The following NUP93 variants were observed in gnomAD, a reference collection of about 807,000 sequenced individuals.
NUP93 encodes the protein nuclear pore complex protein Nup93.
NUP93 carries 55 observed loss-of-function variants against 107.8 expected under a neutral mutation model. The observed-to-expected ratio is 0.51, with a 90% CI of 0.41 to 0.64. NUP93 has a LOEUF of 0.64. Among genes scored for constraint, NUP93 ranks in the 30% least tolerant of loss-of-function variants. The pLI is 0.00. For missense variants in NUP93, 937 were observed against 1,044.7 expected, an observed-to-expected ratio of 0.90 and a Z score of 1.42; for synonymous variants, 390 against 397.5, an observed-to-expected ratio of 0.98 and a Z score of 0.22.
At chr16:56,747,105 T>G (rs1245309141) in intron 1 of NUP93, among the ~76,000 whole-genome samples, 2 of 152,030 alleles carry the variant, frequency 1.3e-5, no homozygotes, top group Non-Finnish European at 2.9e-5. Flanking sequence ...TTCAAGTGAT[T>G]CTCCTGCCTC....
At chr16:56,792,665 CTT>C (rs1962795074) in intron 3 of NUP93, among the ~76,000 whole-genome samples, 1 of 152,176 alleles carries the variant, frequency 6.6e-6, no homozygotes. Flanking sequence ...GTGTAACACA[CTT>C]ATACCTGGCA....
At chr16:56,816,628 C>T (rs1963438543) in intron 5 of NUP93, among the ~76,000 whole-genome samples, 1 of 152,206 alleles carries the variant, frequency 6.6e-6, no homozygotes, top group Non-Finnish European at 1.5e-5. Flanking sequence ...AAAGCAGAAG[C>T]TGTCCCCAAG....
At chr16:56,822,611 A>G (rs1963571492) in intron 7 of NUP93, among the ~76,000 whole-genome samples, 2 of 141,544 alleles carry the variant, frequency 1.4e-5, no homozygotes, top group South Asian at 4.5e-4. Context: ...CCCAGGCTGA[A>G]GTGCAATAAT....
chr16:56,730,681 A>ACC (rs1961519733), intron 1 of NUP93, among the ~76,000 whole-genome samples: 1 of 152,136 alleles, frequency 6.6e-6, no homozygotes, highest in East Asian at 1.9e-4. Context: ...AGGGGAACTT[A>ACC]TCCCAACCCT....
chr16:56,829,507 G>A (rs1475294603), intron 9 of NUP93, among the ~76,000 whole-genome samples: 2 of 152,218 alleles, frequency 1.3e-5, no homozygotes, highest in African/African-American at 4.8e-5. Flanking sequence ...TCGTGGTCCA[G>A]TTGGGGAGAT....
intron 3 of NUP93, among the ~76,000 whole-genome samples, chr16:56,768,697 T>G (rs1404057730): frequency 6.8e-6 from 1 of 147,500 alleles, no homozygotes; most frequent in Non-Finnish European, 1.5e-5. Flanking sequence ...AAACCCTGTC[T>G]CTACTAAAAA....
At chr16:56,835,096 T>G (rs1377298575) in intron 16 of NUP93, among the ~76,000 whole-genome samples, 1 of 152,316 alleles carries the variant, frequency 6.6e-6, no homozygotes, top group Admixed American at 6.5e-5. Context: ...TCAGAAAACA[T>G]GCAAGGAAAA....
chr16:56,750,992 C>CA (rs1185160100), intron 2 of NUP93, among the ~76,000 whole-genome samples: 3 of 151,934 alleles, frequency 2.0e-5, no homozygotes, highest in Non-Finnish European at 4.4e-5. Context: ...AACCCATCTA[C>CA]AAAAAATTAG....
Position 56,830,569 on chromosome 16 carries a change from C to G in NUP93, c.969C>G (p.Tyr323Ter), listed in dbSNP as rs1963761217. Residue 323 changes from tyrosine to a stop codon, truncating the protein, a stop_gained, in exon 10 of 22, where the codon TAC becomes TAG. Coordinates refer to ENST00000308159, the MANE Select transcript of NUP93 (RefSeq NM_014669.5). LOFTEE classifies it high-confidence loss of function. ...VEGHPVWALIYYCMRCGDLLA... is the reference protein window; with the variant it reads ...VEGHPVWALI The stretch of plus-strand genomic sequence containing the variant: ...GCCATCCTGTGTGGGCGCTAATTTA[C>G]TACTGCATGCGCTGTGGAGACCTGC... 1.2e-6 allele frequency: 2 copies of G among 1,601,934 alleles called. No homozygotes were observed. The highest frequency in any genetic ancestry group is 3.3e-5 in the Admixed American group (2 of 59,776).
At chr16:56,757,368 A>G (rs1363589967) in intron 2 of NUP93, among the ~76,000 whole-genome samples, 1 of 152,170 alleles carries the variant, frequency 6.6e-6, no homozygotes, top group African/African-American at 2.4e-5. Context: ...TAATCCCGGC[A>G]CTTTTGGAAG....
chr16:56,787,156 G>C (rs1171818030), intron 3 of NUP93, among the ~76,000 whole-genome samples: 1 of 152,206 alleles, frequency 6.6e-6, no homozygotes, highest in Non-Finnish European at 1.5e-5. Flanking sequence ...AATTACAAAA[G>C]GGAAGGTCTG....
rs149503681 is a variant in NUP93 at position 56,833,279 on chromosome 16, G to T, written c.1410G>T (p.Ala470=). Residue 470 remains alanine, a synonymous_variant, in exon 13 of 22, where the codon GCG becomes GCT. Coordinates refer to ENST00000308159, the MANE Select transcript of NUP93 (RefSeq NM_014669.5). Reference sequence around the variant, plus strand: ...ACTTCCAAGTCCTGTTCCTGACAGCGCAGTTTGAAGCAGCAGTTGCCTTTC... The same window carrying T: ...ACTTCCAAGTCCTGTTCCTGACAGCTCAGTTTGAAGCAGCAGTTGCCTTTC... ...FLYFQVLFLT[A]QFEAAVAFLF... is the part of the protein sequence containing the mutation. 6.2e-7 allele frequency: 1 copy of T among 1,606,676 alleles called. No individual in the cohort carries two copies. The highest frequency in any genetic ancestry group is 8.5e-7 in the Non-Finnish European group (1 of 1,177,640).
At chr16:56,747,225 C>T (rs1961835180) in intron 1 of NUP93, among the ~76,000 whole-genome samples, 1 of 152,180 alleles carries the variant, frequency 6.6e-6, no homozygotes, top group Admixed American at 6.5e-5. Flanking sequence ...GTCTTGAACT[C>T]CTGACCTCAG....
At chr16:56,814,833 C>G (rs1209416602) in intron 5 of NUP93, among the ~76,000 whole-genome samples, 2 of 152,242 alleles carry the variant, frequency 1.3e-5, no homozygotes, top group Non-Finnish European at 2.9e-5. Flanking sequence ...GTCGTCCTTG[C>G]TATGGCTCCG....
In NUP93 at chr16:56,834,195, C is replaced by T. The variant is rs139671995; in HGVS notation, c.1605C>T (p.Tyr535=). The part of the protein sequence containing the change: ...RLNFVRLLML[Y]TRKFESTDPR... ...ACTTCGTGCGGCTCCTCATGCTGTA[C>T]ACCCGGAAGTTTGAGTCCACGGACC... The change falls in exon 14 of 22, where the codon TAC becomes TAT. Residue 535 remains tyrosine, a synonymous_variant. Coordinates refer to ENST00000308159, the MANE Select transcript of NUP93 (RefSeq NM_014669.5). 516 of 1,614,190 alleles carry T rather than the reference C, an allele frequency of 3.2e-4. 1 individual carries two copies. Among genetic ancestry groups the T allele is most frequent in the Middle Eastern group, 2.6e-3 (16 of 6,062 alleles).
intron 8 of NUP93, among the ~76,000 whole-genome samples, chr16:56,826,141 T>C (rs547300443): frequency 3.0e-4 from 46 of 152,302 alleles, no homozygotes; most frequent in African/African-American, 1.1e-3. Context: ...TTAATTCAAA[T>C]TGGAAGAGAC....
At chr16:56,754,686 G>A (rs1050549870) in intron 2 of NUP93, among the ~76,000 whole-genome samples, 13 of 152,338 alleles carry the variant, frequency 8.5e-5, no homozygotes, top group African/African-American at 2.9e-4. Context: ...CAAACCATCA[G>A]TGGGTCTACC....
intron 5 of NUP93, among the ~76,000 whole-genome samples, chr16:56,815,817 G>A (rs1355589256): frequency 6.6e-6 from 1 of 151,306 alleles, no homozygotes; most frequent in African/African-American, 2.4e-5. Flanking sequence ...TATGCTCCAG[G>A]TCACATTGTT....
chr16:56,754,168 C>A (rs536981958), intron 2 of NUP93, among the ~76,000 whole-genome samples: 5 of 152,118 alleles, frequency 3.3e-5, no homozygotes, highest in Admixed American at 1.3e-4. Context: ...ACAACCAAAT[C>A]TTATGGGAAC....
Sources: allele counts gnomAD v4.1 joint callset (sites outside exome capture counted in the v4.1 genomes callset), GRCh38; gene constraint gnomAD v4.1.1; transcripts MANE v1.5; gene names NCBI Gene and HGNC (gene_info 2026-07-23, HGNC 2026-07-21).